The following ADGRG4 variants were observed in gnomAD, a reference collection of about 807,000 sequenced individuals.
ADGRG4 encodes the protein adhesion G protein-coupled receptor G4.
In ADGRG4, 122 loss-of-function variants were observed where a neutral mutation model predicts 126.2. The ratio of observed to expected loss-of-function variants is 0.97; its 90% CI spans 0.83 to 1.12. The LOEUF (loss-of-function observed/expected upper bound fraction) is 1.12. ADGRG4 is among the 50% of genes most tolerant of loss of function. ADGRG4 has a pLI of 0.00. For synonymous variants in ADGRG4, 943 were observed against 838.7 expected (o/e 1.12, Z -2.15); for missense variants, 2,481 against 2,251.8 (o/e 1.10, Z -2.06).
chrX:136,302,439 A>C (rs1367097621), intron 1 of ADGRG4, among the ~76,000 whole-genome samples: 1 of 112,161 alleles, frequency 8.9e-6, no homozygotes, highest in Non-Finnish European at 1.9e-5. Flanking sequence ...TCAATGTGCA[A>C]AAATCACAAG....
intron 4 of ADGRG4, among the ~76,000 whole-genome samples, chrX:136,314,959 T>TG (rs2074796102): frequency 1.8e-5 from 2 of 111,792 alleles, no homozygotes; most frequent in Non-Finnish European, 3.8e-5. Context: ...ACATGACCTA[T>TG]GTGAGGATAA....
Position 136,393,553 on chromosome X carries a change from T to C in ADGRG4, c.8053T>C (p.Cys2685Arg). 1 of 1,205,340 alleles carries C rather than the reference T, an allele frequency of 8.3e-7. No individual in the cohort carries two copies. The highest frequency in any genetic ancestry group is 1.1e-6 in the Non-Finnish European group (1 of 890,395). ...TTTCCAGAATTATGGTCAAGTTCAC[T>C]GTGCCTTTTGGGATTTTGAGAATAA... Reference protein sequence around the residue: ...GGNQNYGQVHCAFWDFENNNG... With the variant: ...GGNQNYGQVHRAFWDFENNNG... The change falls in exon 18 of 26, where the codon TGT becomes CGT. Residue 2685 changes from cysteine (C) to arginine (R), a missense_variant. Coordinates refer to ENST00000394143, the MANE Select transcript of ADGRG4 (RefSeq NM_153834.4).
chrX:136,363,350 T>G, intron 12 of ADGRG4, 127 bp from the exon 13 acceptor site: 2 of 526,805 alleles, frequency 3.8e-6, no homozygotes, highest in Non-Finnish European at 6.7e-6. Flanking sequence ...GGCTCCCACC[T>G]TTGCTTTCTA....
chrX:136,388,555 G>T (rs1225154930), intron 16 of ADGRG4, among the ~76,000 whole-genome samples: 2 of 111,965 alleles, frequency 1.8e-5, no homozygotes, highest in Non-Finnish European at 3.8e-5. Context: ...AGGATTAAAG[G>T]AATTGGTGTA....
At chrX:136,396,924 G>A (rs1053008039) in intron 19 of ADGRG4, among the ~76,000 whole-genome samples, 1 of 109,619 alleles carries the variant, frequency 9.1e-6, no homozygotes, top group Non-Finnish European at 1.9e-5. Flanking sequence ...CAGTAGCTGG[G>A]ATTACAGGTG....
At chrX:136,383,717 C>T (rs771322008) in intron 15 of ADGRG4, among the ~76,000 whole-genome samples, 67 of 110,430 alleles carry the variant, frequency 6.1e-4, no homozygotes, top group South Asian at 1.9e-3. Flanking sequence ...GGCTTTTGTT[C>T]CTCTGTTCCT....
chrX:136,413,774 CT>C (rs755516960), intron 24 of ADGRG4, among the ~76,000 whole-genome samples: 2 of 103,749 alleles, frequency 1.9e-5, no homozygotes, highest in African/African-American at 3.6e-5. Flanking sequence ...GAGTCTCGCT[CT>C]TGTTGCCCAG....
intron 23 of ADGRG4, among the ~76,000 whole-genome samples, chrX:136,408,428 C>T (rs937407283): frequency 6.2e-5 from 7 of 112,017 alleles, no homozygotes; most frequent in African/African-American, 2.3e-4. Context: ...TCCATGTGTA[C>T]CCCATGTTTA....
intron 8 of ADGRG4, among the ~76,000 whole-genome samples, chrX:136,355,170 AACAAGG>A (rs1029416754): frequency 1.8e-5 from 2 of 110,795 alleles, no homozygotes; most frequent in African/African-American, 6.6e-5. Flanking sequence ...AAAAGACTGT[AACAAGG>A]GCTATGGGAG....
intron 8 of ADGRG4, among the ~76,000 whole-genome samples, chrX:136,353,966 G>A (rs933900262): frequency 8.1e-5 from 9 of 111,209 alleles, no homozygotes; most frequent in Admixed American, 3.8e-4. Flanking sequence ...GTATTCTTTC[G>A]CTGCACATAT....
rs779399874 is a variant in ADGRG4, at chrX:136,353,318, T to G, written c.6823-19T>G. ...AGAGGAGCAGAATACTAAAACTGAT[T>G]TTTTTTTGTCTTGTACAGTTGAATT... On this transcript the variant is annotated intron_variant, in intron 7 of 25. Coordinates refer to ENST00000394143, the MANE Select transcript of ADGRG4 (RefSeq NM_153834.4). 5.0e-5 allele frequency: 53 copies of G among 1,053,392 alleles called. No individual in the cohort carries two copies. Among genetic ancestry groups the G allele is most frequent in the Non-Finnish European group, 5.9e-5 (47 of 790,482 alleles). 86.8% of individuals were successfully genotyped at this position (1,053,392 alleles called of 1,213,427 possible).
chrX:136,410,337 C>A (rs992301650), intron 23 of ADGRG4, among the ~76,000 whole-genome samples: 1 of 111,544 alleles, frequency 9.0e-6, no homozygotes, highest in Non-Finnish European at 1.9e-5. Context: ...TGTTTGTCAT[C>A]TTCCTCTCCT....
intron 3 of ADGRG4, among the ~76,000 whole-genome samples, chrX:136,308,445 C>G (rs1320189240): frequency 8.9e-6 from 1 of 112,145 alleles, no homozygotes; most frequent in African/African-American, 3.2e-5. Context: ...TGTCTGTCCT[C>G]CCCACAGGGC....
intron 15 of ADGRG4, among the ~76,000 whole-genome samples, chrX:136,375,881 T>G (rs2075222618): frequency 8.9e-6 from 1 of 112,342 alleles, no homozygotes; most frequent in Admixed American, 9.4e-5. Context: ...GCAGAAGCTT[T>G]TTAGTTTAAT....
intron 5 of ADGRG4, among the ~76,000 whole-genome samples, chrX:136,332,341 T>A (rs1453549045): frequency 1.9e-5 from 2 of 105,934 alleles, no homozygotes; most frequent in East Asian, 3.0e-4. Flanking sequence ...GAACTCATCA[T>A]TTTTTATGGC....
intron 11 of ADGRG4, among the ~76,000 whole-genome samples, chrX:136,359,701 A>C (rs1424583446): frequency 9.0e-6 from 1 of 111,324 alleles, no homozygotes; most frequent in East Asian, 2.8e-4. Flanking sequence ...GCAATGGCCA[A>C]TCCGTCAATG....
chrX:136,330,441 G>C (rs5975718), intron 5 of ADGRG4, among the ~76,000 whole-genome samples: 52,565 of 105,797 alleles, frequency 0.5, 10,088 homozygotes, highest in African/African-American at 0.61. Context: ...GGGTTGTTGA[G>C]TGTCTCAATA....
At position 136,336,044 on chromosome X, in the gene ADGRG4, T is replaced by G. The variant is rs776939398; in HGVS notation, c.686-8348T>G. Among the ~76,000 whole-genome samples the G allele has an allele frequency of 7.2e-4, 81 of 112,033 alleles. 1 individual carries two copies. Among genetic ancestry groups the G allele is most frequent in the African/African-American group, 2.1e-3 (65 of 30,997 alleles). On this transcript the variant is annotated intron_variant, in intron 5 of 25. Coordinates refer to ENST00000394143, the MANE Select transcript of ADGRG4 (RefSeq NM_153834.4). Reference sequence around the variant, plus strand: ...CACTGTTTTAGTTGTATCTCCCAAATTTTTAAAATTAAATTTAATTTGATT... The same window carrying G: ...CACTGTTTTAGTTGTATCTCCCAAAGTTTTAAAATTAAATTTAATTTGATT...
At chrX:136,359,674 G>A (rs1020142966) in intron 11 of ADGRG4, among the ~76,000 whole-genome samples, 1 of 110,843 alleles carries the variant, frequency 9.0e-6, no homozygotes, top group Non-Finnish European at 1.9e-5. Context: ...GAGACTGCTG[G>A]TCAGCTCTGG....
Sources: gnomAD v4.1 joint callset for allele counts (sites outside exome capture counted in the v4.1 genomes callset) on GRCh38, gnomAD v4.1.1 for gene constraint, MANE v1.5 for transcripts, NCBI Gene and HGNC (gene_info 2026-07-23, HGNC 2026-07-21) for gene names.